ESYT3: variants seen among roughly 807,000 people sequenced by gnomAD.
ESYT3 encodes extended synaptotagmin-3.
In ESYT3, 101 loss-of-function variants were observed where a neutral mutation model predicts 111.5. The ratio of observed to expected loss-of-function variants is 0.91; its 90% CI spans 0.77 to 1.07. The LOEUF (loss-of-function observed/expected upper bound fraction) is 1.07, where lower values mean the gene tolerates loss of function less well. Among genes scored for constraint, ESYT3 ranks in the 50% least tolerant of loss-of-function variants. The pLI is 0.00. For synonymous variants in ESYT3, 416 were observed against 446.8 expected, an observed-to-expected ratio of 0.93 and a Z score of 0.87; for missense variants, 1,097 against 1,109.4, an observed-to-expected ratio of 0.99 and a Z score of 0.16.
chr3:138,469,534 T>C, intron 15 of ESYT3, 30 bp downstream of exon 15: 5 of 1,598,516 alleles, frequency 3.1e-6, no homozygotes, highest in South Asian at 1.1e-5. Flanking sequence ...AGCCCTGGGG[T>C]AAGGAAACAA....
At chr3:138,446,450 A>T (rs1449819519) in intron 1 of ESYT3, among the ~76,000 whole-genome samples, 3 of 152,250 alleles carry the variant, frequency 2.0e-5, no homozygotes, top group Admixed American at 2.0e-4. Context: ...ATGAGATGAC[A>T]TGAACTCAAA....
intron 12 of ESYT3, 133 bp from the exon 13 acceptor site, chr3:138,468,522 G>C (rs1351262956): frequency 1.2e-6 from 1 of 858,154 alleles, no homozygotes; most frequent in East Asian, 2.5e-5. Context: ...GCTAGGTTGT[G>C]AGAGGTCCTC....
rs2032202771 is a variant in ESYT3, at chr3:138,455,253, A to G, written c.429A>G (p.Lys143=). Residue 143 remains lysine, a synonymous_variant, in exon 3 of 23, where the codon AAA becomes AAG. Transcript: ENST00000389567. The part of the protein sequence containing the change: ...SMIMESKFRE[K]LEPKIREKSI... ...TCATGGAAAGCAAGTTCCGGGAGAA[A>G]CTTGAGCCCAAGATCCGAGAGAAGA... 6.2e-7 allele frequency: 1 copy of G among 1,614,100 alleles called. No individual in the cohort carries two copies. The highest frequency in any genetic ancestry group is 8.5e-7 in the Non-Finnish European group (1 of 1,180,000).
chr3:138,434,625 G>A lies in ESYT3; in HGVS notation c.-174G>A, dbSNP rs554536946. Reference sequence around the variant, plus strand: ...CGCGGCGCGGCGCGGTGCATTTCCAGGCGCTGCTCTCCGTCGCAGAGAACC... The same window carrying A: ...CGCGGCGCGGCGCGGTGCATTTCCAAGCGCTGCTCTCCGTCGCAGAGAACC... On this transcript the variant is annotated 5_prime_UTR_variant, in exon 1 of 23. Transcript: ENST00000389567. 45 of 594,172 alleles carry A rather than the reference G, an allele frequency of 7.6e-5. 1 individual carries two copies. In the South Asian group the frequency reaches 1.1e-3, roughly 15 times the overall value. The allele number at this position is 594,172 out of a possible 1,614,324, so 36.8% of individuals were successfully genotyped here.
chr3:138,450,481 A>G (rs1205846185), intron 1 of ESYT3, among the ~76,000 whole-genome samples: 2 of 152,168 alleles, frequency 1.3e-5, no homozygotes, highest in Non-Finnish European at 2.9e-5. Flanking sequence ...ACCTCTGGGA[A>G]CCAGGCCGTA....
intron 7 of ESYT3, 74 bp from the exon 8 acceptor site, chr3:138,462,012 G>C (rs1349904882): frequency 1.2e-6 from 2 of 1,606,512 alleles, no homozygotes. Context: ...CCTGGTTCCT[G>C]CTAGGGATGG....
intron 1 of ESYT3, among the ~76,000 whole-genome samples, chr3:138,448,739 T>C (rs2031727904): frequency 6.6e-6 from 1 of 152,206 alleles, no homozygotes; most frequent in Non-Finnish European, 1.5e-5. Flanking sequence ...GAGTCATTGC[T>C]CCCTAAGAAT....
At chr3:138,466,445 A>T (rs2108621993) in intron 10 of ESYT3, among the ~76,000 whole-genome samples, 1 of 152,352 alleles carries the variant, frequency 6.6e-6, no homozygotes, top group African/African-American at 2.4e-5. Context: ...GATGTTGCTT[A>T]TCATTTTTTA....
At chr3:138,454,693 T>A (rs1298750221) in intron 2 of ESYT3, among the ~76,000 whole-genome samples, 1 of 152,252 alleles carries the variant, frequency 6.6e-6, no homozygotes, top group Non-Finnish European at 1.5e-5. Flanking sequence ...GGTCCTGCAC[T>A]TCATTCCCAA....
intron 1 of ESYT3, among the ~76,000 whole-genome samples, chr3:138,438,086 T>C (rs2030859837): frequency 2.0e-5 from 3 of 152,186 alleles, no homozygotes; most frequent in Non-Finnish European, 4.4e-5. Flanking sequence ...GACAGGGCTC[T>C]GGGCGTGGTG....
chr3:138,448,700 C>T (rs1379117888), intron 1 of ESYT3, among the ~76,000 whole-genome samples: 1 of 152,168 alleles, frequency 6.6e-6, no homozygotes, highest in South Asian at 2.1e-4. Flanking sequence ...ATTGATCTGT[C>T]GATGTCAAAA....
Position 138,474,320 on chromosome 3 carries a change from G to GC in ESYT3, c.2437dup (p.Arg813ProfsTer9), listed in dbSNP as rs747742710. The GC allele has an allele frequency of 6.2e-7, 1 of 1,603,228 alleles. No individual in the cohort carries two copies. The highest frequency in any genetic ancestry group is 8.5e-7 in the Non-Finnish European group (1 of 1,177,354). ...CATGTCGTAAGAAGACTTCAGTGAA[G>GC]CGGAAGACCTTGGAACCCCTGTTTG... On this transcript the variant is annotated frameshift_variant, in exon 20 of 23. Coordinates refer to ENST00000389567, the MANE Select transcript of ESYT3 (RefSeq NM_031913.5). LOFTEE classifies it high-confidence loss of function.
chr3:138,470,666 T>G, intron 16 of ESYT3: 1 of 1,380,202 alleles, frequency 7.2e-7, no homozygotes, highest in Non-Finnish European at 9.4e-7. Context: ...ATACAGATCA[T>G]AATTGCCTCT....
At chr3:138,463,628 A>G (rs139113734) in intron 8 of ESYT3, among the ~76,000 whole-genome samples, 28 of 152,344 alleles carry the variant, frequency 1.8e-4, no homozygotes, top group African/African-American at 5.5e-4. Flanking sequence ...TTTTGCTAGT[A>G]TGCCCTTGGG....
chr3:138,453,896 A>C (rs779003701), intron 2 of ESYT3, among the ~76,000 whole-genome samples: 10 of 152,182 alleles, frequency 6.6e-5, no homozygotes, highest in Non-Finnish European at 1.2e-4. Flanking sequence ...TTTGTTGCCC[A>C]AGCTGGCCTT....
chr3:138,476,678 GAACCCTGGCTGGCCAAC>G, intron 22 of ESYT3, 123 bp from the exon 23 acceptor site: 1 of 1,083,254 alleles, frequency 9.2e-7, no homozygotes, highest in South Asian at 1.4e-5. Flanking sequence ...CCTTAACCCT[GAACCCTGGCTGGCCAAC>G]TTACAGAGAG....
At chr3:138,436,117 A>G (rs1387046914) in intron 1 of ESYT3, among the ~76,000 whole-genome samples, 1 of 152,200 alleles carries the variant, frequency 6.6e-6, no homozygotes, top group Admixed American at 6.5e-5. Context: ...AAAAAATATA[A>G]GGCCCATTTA....
At chr3:138,451,937 G>A (rs2031958509) in intron 1 of ESYT3, 111 bp from the exon 2 acceptor site, 1 of 1,201,238 alleles carries the variant, frequency 8.3e-7, no homozygotes, top group Admixed American at 1.7e-5. Flanking sequence ...CGGGGAGGAA[G>A]GGTTGAGGTG....
downstream of ESYT3, chr3:138,480,555 T>C (rs2033670568): frequency 1.3e-5 from 2 of 152,226 alleles, no homozygotes; most frequent in African/African-American, 4.8e-5. Flanking sequence ...AAAAAAACTG[T>C]AGTTCTGTTC....
Sources: allele counts gnomAD v4.1 joint callset (sites outside exome capture counted in the v4.1 genomes callset), GRCh38; gene constraint gnomAD v4.1.1; transcripts MANE v1.5; gene names NCBI Gene and HGNC (gene_info 2026-07-23, HGNC 2026-07-21).